The following BCOR variants were observed in gnomAD, a reference collection of about 807,000 sequenced individuals.
The protein encoded by BCOR is BCL-6 corepressor.
In BCOR, 10 loss-of-function variants were observed where a neutral mutation model predicts 86.7. That is an observed-to-expected ratio of 0.12 (90% CI 0.07 to 0.20). The LOEUF (loss-of-function observed/expected upper bound fraction) is 0.20. Among genes scored for constraint, BCOR ranks in the 10% least tolerant of loss-of-function variants. The pLI, the probability that BCOR is intolerant of heterozygous loss-of-function variation, is 1.00. For synonymous variants in BCOR, 611 were observed against 609.0 expected (o/e 1.00, Z -0.05); for missense variants, 1,259 against 1,452.1 (o/e 0.87, Z 2.16).
chrX:40,096,338 A>T (rs1936867405), intron 1 of BCOR, among the ~76,000 whole-genome samples: 1 of 105,442 alleles, frequency 9.5e-6, no homozygotes, highest in Non-Finnish European at 2.0e-5. Context: ...TTCTACACCC[A>T]CCCCTGGGGG....
intron 10 of BCOR, among the ~76,000 whole-genome samples, chrX:40,060,469 C>G (rs1320670496): frequency 2.7e-5 from 3 of 112,323 alleles, no homozygotes; most frequent in African/African-American, 9.7e-5. Context: ...CCACAAGGGT[C>G]TCTTGAAGCT....
intron 1 of BCOR, among the ~76,000 whole-genome samples, chrX:40,080,120 A>G (rs1366597405): frequency 2.4e-5 from 2 of 82,649 alleles, no homozygotes; most frequent in Non-Finnish European, 4.1e-5. Flanking sequence ...TGGTGTCCCC[A>G]TTCTTAAAAA....
At chrX:40,083,360 C>T (rs762295722) in intron 1 of BCOR, among the ~76,000 whole-genome samples, 48 of 111,385 alleles carry the variant, frequency 4.3e-4, no homozygotes, top group African/African-American at 1.6e-3. Context: ...GGCCCAGGTG[C>T]TGCCTCTTGG....
intron 1 of BCOR, chrX:40,176,870 G>C: frequency 8.9e-6 from 1 of 111,928 alleles, no homozygotes; most frequent in African/African-American, 3.3e-5. Context: ...CTTCCGCTGA[G>C]CTGCCTGTTC....
At chrX:40,132,088 C>T (rs1223174223) in intron 1 of BCOR, among the ~76,000 whole-genome samples, 1 of 111,876 alleles carries the variant, frequency 8.9e-6, no homozygotes, top group East Asian at 2.8e-4. Context: ...AAGAAGTCTA[C>T]TGCCATGGCA....
chrX:40,118,724 A>G (rs772285986), intron 1 of BCOR, among the ~76,000 whole-genome samples: 10 of 111,909 alleles, frequency 8.9e-5, no homozygotes, highest in Non-Finnish European at 1.5e-4. Flanking sequence ...GCCCCACACA[A>G]AGTCTCCACT....
At chrX:40,120,011 C>T (rs751911843) in intron 1 of BCOR, among the ~76,000 whole-genome samples, 11 of 91,670 alleles carry the variant, frequency 1.2e-4, no homozygotes, top group African/African-American at 4.4e-4. Flanking sequence ...AATAAAATCA[C>T]GTGAATAGAA....
At chrX:40,119,548 G>A (rs1425854847) in intron 1 of BCOR, among the ~76,000 whole-genome samples, 2 of 110,877 alleles carry the variant, frequency 1.8e-5, no homozygotes, top group Non-Finnish European at 3.8e-5. Context: ...TGGGCGTGCT[G>A]TAGTCTCAGC....
intron 1 of BCOR, among the ~76,000 whole-genome samples, chrX:40,140,580 G>A (rs1319606256): frequency 1.8e-5 from 2 of 112,819 alleles, no homozygotes; most frequent in African/African-American, 6.4e-5. Flanking sequence ...TCAGCTCCAT[G>A]GGGCTTATCT....
At chrX:40,175,715 A>G (rs1022812519) in intron 1 of BCOR, among the ~76,000 whole-genome samples, 4 of 112,704 alleles carry the variant, frequency 3.5e-5, no homozygotes, top group African/African-American at 9.7e-5. Flanking sequence ...GCGTCTGGGG[A>G]CGCGAACGCG....
chrX:40,113,826 CT>C (rs200993481), intron 1 of BCOR, among the ~76,000 whole-genome samples: 11 of 91,771 alleles, frequency 1.2e-4, no homozygotes, highest in Non-Finnish European at 1.4e-4. Flanking sequence ...TTCTTTCTTT[CT>C]TTTTTTTTTG....
chrX:40,053,385 A>C (rs1934422792), intron 14 of BCOR, among the ~76,000 whole-genome samples: 1 of 112,120 alleles, frequency 8.9e-6, no homozygotes, highest in Non-Finnish European at 1.9e-5. Context: ...ACTGGCGAAT[A>C]GGGGCTCAAC....
chrX:40,066,733 T>A (rs183885603), intron 6 of BCOR, among the ~76,000 whole-genome samples: 4 of 111,799 alleles, frequency 3.6e-5, no homozygotes, highest in Non-Finnish European at 7.5e-5. Flanking sequence ...AGGTTACTTT[T>A]ATACTTTTAA....
chrX:40,065,220 G>A (rs1217304516), intron 6 of BCOR, among the ~76,000 whole-genome samples: 2 of 112,283 alleles, frequency 1.8e-5, no homozygotes, highest in Admixed American at 1.9e-4. Flanking sequence ...AGGGAGGCAG[G>A]GAACCCAGGC....
intron 1 of BCOR, among the ~76,000 whole-genome samples, chrX:40,122,095 C>T (rs1937495550): frequency 8.9e-6 from 1 of 111,735 alleles, no homozygotes; most frequent in Non-Finnish European, 1.9e-5. Context: ...CTCCTCTATA[C>T]AAAAACCTCA....
chrX:40,171,496 TG>T (rs10708196), intron 1 of BCOR, among the ~76,000 whole-genome samples: 22,294 of 63,792 alleles, frequency 0.35, 2,679 homozygotes, highest in African/African-American at 0.57. Context: ...TTAATCCCCA[TG>T]GGGGGGGGGC....
rs1935092468 is a variant in BCOR at position 40,064,452 on chromosome X, G to A, written c.3386C>T (p.Thr1129Ile). ...QVASDMPHSP[T>I]LRVDRKRKVS... ...TTTGCGTTTCCTGTCCACCCGGAGG[G>A]TGGGGCTGTGAGGCATGTCCGAGGC... Residue 1129 changes from threonine to isoleucine, a missense_variant, in exon 7 of 15, where the codon ACC becomes ATC. Physicochemically the swap from Thr to Ile is moderately conservative, Grantham distance 89. Coordinates refer to ENST00000378444, the MANE Select transcript of BCOR (RefSeq NM_001123385.2). 8.2e-7 allele frequency: 1 copy of A among 1,212,500 alleles called. No individual in the cohort carries two copies. The highest frequency in any genetic ancestry group is 1.1e-6 in the Non-Finnish European group (1 of 895,676).
rs776629650 is a variant in BCOR at position 40,133,117 on chromosome X, A to C, written c.-41+43890T>G. Among the ~76,000 whole-genome samples, 22 of 111,258 alleles carry C rather than the reference A, an allele frequency of 2.0e-4. No individual in the cohort carries two copies. In the Admixed American group the frequency reaches 2.1e-3, roughly 11 times the overall value. ...CTCATGATCTGAGCTCATCTGCTTCAATTTCTTTTTTTTCTTTTTTTCTTT... is the reference window on the plus strand; with the variant it reads ...CTCATGATCTGAGCTCATCTGCTTCCATTTCTTTTTTTTCTTTTTTTCTTT... On this transcript the variant is annotated intron_variant, in intron 1 of 14. Transcript: ENST00000342274.
chrX:40,053,854 C>T, intron 14 of BCOR, 32 bp downstream of exon 14: 1 of 1,207,685 alleles, frequency 8.3e-7, no homozygotes, highest in Non-Finnish European at 1.1e-6. Flanking sequence ...AGCAGCTCAG[C>T]TAGTTTTCAA....
Sources: allele counts gnomAD v4.1 joint callset (sites outside exome capture counted in the v4.1 genomes callset), GRCh38; gene constraint gnomAD v4.1.1; transcripts MANE v1.5; gene names NCBI Gene and HGNC (gene_info 2026-07-23, HGNC 2026-07-21).